Variants in PRKCA observed in about 807,000 individuals in gnomAD.
PRKCA encodes the protein protein kinase C alpha, also known as protein kinase C alpha type.
Under a neutral mutation model 87.0 loss-of-function variants are expected in PRKCA, and 27 were observed. The ratio of observed to expected loss-of-function variants is 0.31; its 90% CI spans 0.23 to 0.43. The LOEUF (loss-of-function observed/expected upper bound fraction) is 0.43, where lower values mean the gene tolerates loss of function less well. PRKCA is among the 20% of genes least tolerant of loss of function. PRKCA has a pLI of 1.00. For missense variants in PRKCA, 518 were observed against 852.3 expected, an observed-to-expected ratio of 0.61 and a Z score of 4.88; for synonymous variants, 329 against 311.1, an observed-to-expected ratio of 1.06 and a Z score of -0.61.
intron 2 of PRKCA, among the ~76,000 whole-genome samples, chr17:66,489,577 G>T (rs1246418427): frequency 1.3e-5 from 2 of 151,694 alleles, no homozygotes. Context: ...CAGGGAGGGT[G>T]CAAGGAACAC....
chr17:66,325,625 G>T (rs1905935183), intron 2 of PRKCA, among the ~76,000 whole-genome samples: 1 of 152,174 alleles, frequency 6.6e-6, no homozygotes, highest in African/African-American at 2.4e-5. Context: ...AGAAAGTCAT[G>T]TTGGAAACAG....
intron 14 of PRKCA, among the ~76,000 whole-genome samples, chr17:66,783,796 T>C (rs1975305095): frequency 6.6e-6 from 1 of 152,230 alleles, no homozygotes; most frequent in Non-Finnish European, 1.5e-5. Flanking sequence ...GCATTGTCTG[T>C]GACTTGGCCC....
chr17:66,344,828 C>T (rs578130999), intron 2 of PRKCA, among the ~76,000 whole-genome samples: 23 of 152,268 alleles, frequency 1.5e-4, no homozygotes, highest in African/African-American at 3.6e-4. Flanking sequence ...TGCACTTGCG[C>T]GATCTCGGCT....
intron 3 of PRKCA, among the ~76,000 whole-genome samples, chr17:66,569,526 G>A (rs1417515903): frequency 6.6e-6 from 1 of 152,084 alleles, no homozygotes; most frequent in Non-Finnish European, 1.5e-5. Flanking sequence ...CTGAGACCAT[G>A]CCACTGCACT....
At chr17:66,467,411 G>T (rs1915132712) in intron 2 of PRKCA, among the ~76,000 whole-genome samples, 1 of 152,200 alleles carries the variant, frequency 6.6e-6, no homozygotes, top group South Asian at 2.1e-4. Flanking sequence ...ATCTGTAAAT[G>T]ATGGCTTTTG....
At chr17:66,515,733 T>A (rs1196862904) in intron 3 of PRKCA, among the ~76,000 whole-genome samples, 1 of 152,112 alleles carries the variant, frequency 6.6e-6, no homozygotes, top group East Asian at 1.9e-4. Context: ...TTAGTAGAGA[T>A]GGGGCCTCGC....
At chr17:66,310,046 G>T (rs1905016370) in intron 2 of PRKCA, among the ~76,000 whole-genome samples, 1 of 152,136 alleles carries the variant, frequency 6.6e-6, no homozygotes, top group African/African-American at 2.4e-5. Flanking sequence ...AAGGGAAAGA[G>T]CCAACTCGAT....
rs536121485 is a variant in PRKCA at position 66,571,770 on chromosome 17, A to G, written c.289-69585A>G. On this transcript the variant is annotated intron_variant, in intron 3 of 16. Coordinates refer to ENST00000413366, the MANE Select transcript of PRKCA (RefSeq NM_002737.3). ...CGGAACCTGAGTCCGTAGAGCAGAT[A>G]AAAGACCACTCTGAAGCAGGGGTAG... Among the ~76,000 whole-genome samples, 3 of 152,358 alleles carry G rather than the reference A, an allele frequency of 2.0e-5. No individual in the cohort carries two copies. The East Asian group carries it at 5.8e-4, about 29-fold the overall frequency.
At chr17:66,590,273 G>A (rs1969760000) in intron 3 of PRKCA, among the ~76,000 whole-genome samples, 1 of 152,164 alleles carries the variant, frequency 6.6e-6, no homozygotes, top group South Asian at 2.1e-4. Context: ...CCCTCTGTCT[G>A]AATGATATAA....
At chr17:66,392,098 C>T (rs1272887239) in intron 2 of PRKCA, among the ~76,000 whole-genome samples, 2 of 151,990 alleles carry the variant, frequency 1.3e-5, no homozygotes, top group Non-Finnish European at 2.9e-5. Flanking sequence ...GGTGTGATGG[C>T]GAGCGCCTGT....
intron 5 of PRKCA, among the ~76,000 whole-genome samples, chr17:66,656,527 C>G (rs543980310): frequency 2.2e-5 from 2 of 89,712 alleles, no homozygotes; most frequent in East Asian, 5.7e-4. Context: ...TTGCAAGGAA[C>G]TTTATCTTCT....
chr17:66,355,513 G>A (rs1431423442), intron 2 of PRKCA, among the ~76,000 whole-genome samples: 2 of 151,900 alleles, frequency 1.3e-5, no homozygotes, highest in East Asian at 3.9e-4. Flanking sequence ...ACATCATTCT[G>A]AGTTTTTTTG....
chr17:66,388,662 C>T (rs774207564), intron 2 of PRKCA, among the ~76,000 whole-genome samples: 1 of 152,100 alleles, frequency 6.6e-6, no homozygotes, highest in Non-Finnish European at 1.5e-5. Context: ...CTCTCCACAC[C>T]ATAAGTATAC....
intron 16 of PRKCA, among the ~76,000 whole-genome samples, chr17:66,802,720 G>A (rs921143666): frequency 3.9e-5 from 6 of 152,214 alleles, no homozygotes; most frequent in Non-Finnish European, 8.8e-5. Context: ...GGCAGGAGGT[G>A]TGATTGTTCT....
rs535283495 is a variant in PRKCA at position 66,557,403 on chromosome 17, A to G, written c.288+61120A>G. Among the ~76,000 whole-genome samples, 22 of 152,046 alleles carry G rather than the reference A, an allele frequency of 1.4e-4. No homozygotes were observed. In the South Asian group the frequency reaches 4.4e-3, roughly 30 times the overall value. On this transcript the variant is annotated intron_variant, in intron 3 of 16. Transcript: ENST00000413366. ...TTGACATTTCTTAGACATATCACTC[A>G]TGATCCCACAGTTGCTCTTTGAATG...
chr17:66,409,487 T>C (rs2143732816), intron 2 of PRKCA, among the ~76,000 whole-genome samples: 1 of 152,330 alleles, frequency 6.6e-6, no homozygotes, highest in Admixed American at 6.5e-5. Flanking sequence ...GTATACCTGA[T>C]AGCTCTGTAC....
At chr17:66,587,603 A>AGATT (rs969732585) in intron 3 of PRKCA, among the ~76,000 whole-genome samples, 4 of 151,458 alleles carry the variant, frequency 2.6e-5, no homozygotes, top group Admixed American at 2.6e-4. Flanking sequence ...ATAGATAGAT[A>AGATT]GATTGATTGA....
At chr17:66,567,089 A>G (rs1968927242) in intron 3 of PRKCA, among the ~76,000 whole-genome samples, 1 of 152,188 alleles carries the variant, frequency 6.6e-6, no homozygotes, top group Non-Finnish European at 1.5e-5. Flanking sequence ...TAAAATATGG[A>G]AAAGGTCGAC....
chr17:66,749,079 AG>A (rs1974368903), intron 13 of PRKCA, among the ~76,000 whole-genome samples: 4 of 144,932 alleles, frequency 2.8e-5, no homozygotes, highest in African/African-American at 1.1e-4. Context: ...GGGTGACACC[AG>A]GACAGGCGGG....
Sources: allele counts gnomAD v4.1 joint callset (sites outside exome capture counted in the v4.1 genomes callset), GRCh38; gene constraint gnomAD v4.1.1; transcripts MANE v1.5; gene names NCBI Gene and HGNC (gene_info 2026-07-23, HGNC 2026-07-21).